MFSD1: variants seen among roughly 807,000 people sequenced by gnomAD.
MFSD1 encodes the protein major facilitator superfamily domain containing 1.
MFSD1 carries 59 observed loss-of-function variants against 67.1 expected under a neutral mutation model. The observed-to-expected ratio is 0.88, with a 90% CI of 0.71 to 1.09. MFSD1 has a LOEUF of 1.09. Among genes scored for constraint, MFSD1 ranks in the 50% least tolerant of loss-of-function variants. MFSD1 has a pLI of 0.00. For synonymous variants in MFSD1, 213 were observed against 200.3 expected, an observed-to-expected ratio of 1.06 and a Z score of -0.54; for missense variants, 552 against 566.1, an observed-to-expected ratio of 0.97 and a Z score of 0.25.
At chr3:158,808,071 G>A (rs996507292) in intron 5 of MFSD1, among the ~76,000 whole-genome samples, 1 of 152,190 alleles carries the variant, frequency 6.6e-6, no homozygotes. Context: ...GGAGCATGTA[G>A]ACATAGGTGA....
rs368200690 is a variant in MFSD1 at position 158,821,980 on chromosome 3, G to T, written c.921-4G>T. 6.2e-7 allele frequency: 1 copy of T among 1,610,860 alleles called. No individual in the cohort carries two copies. The highest frequency in any genetic ancestry group is 2.2e-5 in the East Asian group (1 of 44,776). ...ATGAAATGTCTTATGTGTTCTCTGG[G>T]CAGTGTTGTATATGTCATATCAGCT... On this transcript the variant is annotated splice_region_variant and splice_polypyrimidine_tract_variant and intron_variant, in intron 10 of 15. Coordinates refer to ENST00000415822, the MANE Select transcript of MFSD1 (RefSeq NM_022736.4).
chr3:158,802,145 C>T lies in MFSD1; in HGVS notation c.-8C>T. ...ACCACTTTCCCCTCTCCGTCTCCTG[C>T]GGGCGCAATGGAGGAGGAGGATGAG... On this transcript the variant is annotated 5_prime_UTR_variant, in exon 1 of 16. Transcript: ENST00000415822. 8.1e-6 allele frequency: 13 copies of T among 1,612,212 alleles called. No homozygotes were observed. The highest frequency in any genetic ancestry group is 1.0e-5 in the Non-Finnish European group (12 of 1,179,584).
At chr3:158,822,752 G>A (rs770696161) in intron 11 of MFSD1, 14 of 153,956 alleles carry the variant, frequency 9.1e-5, no homozygotes, top group Admixed American at 3.2e-4. Flanking sequence ...GTGGGTTTGC[G>A]TATTTAACAT....
intron 15 of MFSD1, among the ~76,000 whole-genome samples, chr3:158,828,429 TA>T (rs1731124090): frequency 1.3e-5 from 2 of 152,082 alleles, no homozygotes; most frequent in South Asian, 4.1e-4. Context: ...CATCTTAAAA[TA>T]ATCAGAAGTA....
chr3:158,824,388 G>A (rs573230371), intron 13 of MFSD1, 152 bp downstream of exon 13: 1 of 629,188 alleles, frequency 1.6e-6, no homozygotes, highest in East Asian at 2.7e-5. Flanking sequence ...AAGATTCACA[G>A]GCATTTTTTA....
chr3:158,827,139 T>G (rs960234152), intron 14 of MFSD1, 141 bp from the exon 15 acceptor site: 1 of 541,886 alleles, frequency 1.8e-6, no homozygotes, highest in Non-Finnish European at 3.2e-6. Context: ...GATAAACCAT[T>G]ACTTTTTCAT....
At chr3:158,807,017 C>G in intron 3 of MFSD1, 23 bp from the exon 4 acceptor site, 1 of 1,583,472 alleles carries the variant, frequency 6.3e-7, no homozygotes, top group East Asian at 2.3e-5. Context: ...TTTTCTCATT[C>G]TCATTCTTTC....
chr3:158,808,075 T>C (rs1358871931), intron 5 of MFSD1, among the ~76,000 whole-genome samples: 4 of 152,170 alleles, frequency 2.6e-5, no homozygotes, highest in African/African-American at 9.7e-5. Flanking sequence ...CATGTAGACA[T>C]AGGTGACATA....
At position 158,829,226 on chromosome 3, in the gene MFSD1, T is replaced by C; in HGVS notation, c.*244T>C. 3.0e-6 allele frequency: 1 copy of C among 332,330 alleles called. No individual in the cohort carries two copies. Among genetic ancestry groups the C allele is most frequent in the East Asian group, 4.8e-5 (1 of 20,654 alleles). The allele number at this position is 332,330 out of a possible 1,614,324, so 20.6% of individuals were successfully genotyped here. On this transcript the variant is annotated 3_prime_UTR_variant, in exon 16 of 16. Coordinates refer to ENST00000415822, the MANE Select transcript of MFSD1 (RefSeq NM_022736.4). ...AATCAACAATGAAAGGGTTAGAAAA[T>C]TGCTGTGGAACATCCAGGTGAACTT...
chr3:158,807,587 A>G (rs750594651), intron 5 of MFSD1, 124 bp downstream of exon 5: 82 of 751,622 alleles, frequency 1.1e-4, no homozygotes, highest in Non-Finnish European at 1.6e-4. Flanking sequence ...CTAGCTTCAT[A>G]TGCATAAGAG....
chr3:158,824,326 A>C (rs1730843305), intron 13 of MFSD1, 90 bp downstream of exon 13: 1 of 891,902 alleles, frequency 1.1e-6, no homozygotes, highest in Admixed American at 2.3e-5. Context: ...AGATTTGCCT[A>C]ATTCTCACCT....
chr3:158,823,611 C>T (rs917035362), intron 12 of MFSD1, 86 bp downstream of exon 12: 8 of 995,102 alleles, frequency 8.0e-6, no homozygotes, highest in African/African-American at 3.2e-5. Context: ...TGAATCTAGT[C>T]GTCATCCAGC....
Position 158,814,012 on chromosome 3 carries a change from T to C in MFSD1, c.597T>C (p.Ile199=). The change falls in exon 7 of 16, where the codon ATT becomes ATC. Residue 199 remains isoleucine, a synonymous_variant. Transcript: ENST00000415822. ...TCATGGGATGGCTGTATTCTAAGAT[T>C]GAAGCTTTGTTAGGTTCTGCTGGTC... ...MNLMGWLYSK[I]EALLGSAGHT... The C allele has an allele frequency of 6.2e-7, 1 of 1,614,028 alleles. No individual in the cohort carries two copies. Among genetic ancestry groups the C allele is most frequent in the Non-Finnish European group, 8.5e-7 (1 of 1,179,936 alleles).
chr3:158,807,001 T>A, intron 3 of MFSD1, 39 bp from the exon 4 acceptor site: 1 of 1,556,530 alleles, frequency 6.4e-7, no homozygotes. Flanking sequence ...TTTTTTTTCT[T>A]TTTCTTTTTC....
intron 7 of MFSD1, among the ~76,000 whole-genome samples, chr3:158,818,005 A>T (rs992086776): frequency 3.3e-5 from 5 of 152,088 alleles, no homozygotes; most frequent in South Asian, 2.1e-4. Context: ...TCTCTTAGCT[A>T]TGGCTCCATG....
At chr3:158,815,367 T>TG (rs1472676895) in intron 7 of MFSD1, among the ~76,000 whole-genome samples, 7 of 150,802 alleles carry the variant, frequency 4.6e-5, no homozygotes, top group Non-Finnish European at 8.9e-5. Flanking sequence ...TTTTTTTTTT[T>TG]TTTTTCAAGT....
chr3:158,814,125 TCATAG>T, intron 7 of MFSD1, 58 bp downstream of exon 7: 2 of 1,354,826 alleles, frequency 1.5e-6, no homozygotes, highest in Non-Finnish European at 2.1e-6. Flanking sequence ...ATAGGAAGTA[TCATAG>T]CAGGGAGGAA....
intron 13 of MFSD1, chr3:158,825,314 A>ATGCT (rs1730909624): frequency 6.6e-6 from 1 of 152,230 alleles, no homozygotes; most frequent in African/African-American, 2.4e-5. Flanking sequence ...GTGCACCACC[A>ATGCT]TGCTTGGCTG....
At chr3:158,819,287 C>T (rs983097328) in intron 7 of MFSD1, among the ~76,000 whole-genome samples, 1 of 152,192 alleles carries the variant, frequency 6.6e-6, no homozygotes, top group Non-Finnish European at 1.5e-5. Context: ...CCCTGGTGTC[C>T]ATTGACAATT....
Sources: allele counts gnomAD v4.1 joint callset (sites outside exome capture counted in the v4.1 genomes callset), GRCh38; gene constraint gnomAD v4.1.1; transcripts MANE v1.5; gene names NCBI Gene and HGNC (gene_info 2026-07-23, HGNC 2026-07-21).